The following RTKN2 variants were observed in gnomAD, a reference collection of about 807,000 sequenced individuals.
RTKN2 encodes rhotekin-2.
RTKN2 carries 69 observed loss-of-function variants against 71.5 expected under a neutral mutation model. The observed-to-expected ratio is 0.96, with a 90% CI of 0.79 to 1.18. The LOEUF (loss-of-function observed/expected upper bound fraction) is 1.18, where lower values mean the gene tolerates loss of function less well. Among genes scored for constraint, RTKN2 ranks in the 50% most tolerant of loss-of-function variants. The pLI is 0.00. For synonymous variants in RTKN2, 236 were observed against 236.5 expected (o/e 1.00, Z 0.02); for missense variants, 724 against 719.7 (o/e 1.01, Z -0.07).
At chr10:62,228,700 T>C (rs1842084230) in intron 6 of RTKN2, among the ~76,000 whole-genome samples, 1 of 152,120 alleles carries the variant, frequency 6.6e-6, no homozygotes, top group African/African-American at 2.4e-5. Context: ...GAGCCTACTG[T>C]GAGTAACTGA....
At chr10:62,206,228 T>C (rs1263987673) in intron 9 of RTKN2, among the ~76,000 whole-genome samples, 1 of 152,146 alleles carries the variant, frequency 6.6e-6, no homozygotes, top group Non-Finnish European at 1.5e-5. Flanking sequence ...AAGAGAATCA[T>C]GGTTAAGCCT....
chr10:62,188,308 G>A (rs186811771), downstream of RTKN2, among the ~76,000 whole-genome samples: 2 of 152,228 alleles, frequency 1.3e-5, no homozygotes, highest in East Asian at 1.9e-4. Context: ...GATCTCTCCC[G>A]GGACTGTCTG....
At chr10:62,250,991 G>C (rs1842570067) in intron 2 of RTKN2, among the ~76,000 whole-genome samples, 1 of 152,106 alleles carries the variant, frequency 6.6e-6, no homozygotes, top group African/African-American at 2.4e-5. Flanking sequence ...ACCTCACACT[G>C]CCCTGTGGGA....
At chr10:62,249,471 G>A (rs1044557774) in intron 2 of RTKN2, among the ~76,000 whole-genome samples, 1 of 151,252 alleles carries the variant, frequency 6.6e-6, no homozygotes, top group Non-Finnish European at 1.5e-5. Flanking sequence ...GCGTGGGGGT[G>A]GGGGTGGGGC....
At chr10:62,209,641 G>A (rs1313915915) in intron 9 of RTKN2, among the ~76,000 whole-genome samples, 1 of 152,106 alleles carries the variant, frequency 6.6e-6, no homozygotes. Flanking sequence ...ATAGGCCTCA[G>A]AGTGTGTTGT....
chr10:62,202,920 G>C (rs901973370), intron 10 of RTKN2, among the ~76,000 whole-genome samples: 3 of 152,252 alleles, frequency 2.0e-5, no homozygotes, highest in East Asian at 1.9e-4. Context: ...CAGCACTTTG[G>C]GGGGCTGAGG....
At chr10:62,232,656 G>A (rs1026708438) in intron 6 of RTKN2, among the ~76,000 whole-genome samples, 2 of 151,344 alleles carry the variant, frequency 1.3e-5, no homozygotes, top group South Asian at 2.1e-4. Context: ...TATAAATGTA[G>A]TTTAAATGAA....
chr10:62,231,066 A>G (rs1440028472), intron 6 of RTKN2, among the ~76,000 whole-genome samples: 3 of 152,202 alleles, frequency 2.0e-5, no homozygotes, highest in African/African-American at 7.2e-5. Context: ...AAACATAAAT[A>G]ATCCATGTAT....
intron 2 of RTKN2, among the ~76,000 whole-genome samples, chr10:62,261,051 C>A (rs1191225721): frequency 6.6e-6 from 1 of 152,146 alleles, no homozygotes; most frequent in Non-Finnish European, 1.5e-5. Flanking sequence ...AGAAGACATG[C>A]CATATTTATT....
chr10:62,198,507 T>C (rs1841378457), intron 11 of RTKN2, 64 bp from the exon 12 acceptor site: 1 of 1,209,306 alleles, frequency 8.3e-7, no homozygotes, highest in Non-Finnish European at 1.1e-6. Flanking sequence ...TTTATCTAAA[T>C]AAGTTCTTTT....
chr10:62,224,497 T>A (rs948453751), intron 6 of RTKN2, among the ~76,000 whole-genome samples: 3 of 152,076 alleles, frequency 2.0e-5, no homozygotes, highest in Non-Finnish European at 2.9e-5. Flanking sequence ...AAATATTTAC[T>A]GAACACTTAA....
At chr10:62,242,202 GAT>G (rs1842390401) in intron 3 of RTKN2, among the ~76,000 whole-genome samples, 1 of 151,918 alleles carries the variant, frequency 6.6e-6, no homozygotes, top group Non-Finnish European at 1.5e-5. Flanking sequence ...TAATTTGTTA[GAT>G]ATATTTCTTT....
intron 6 of RTKN2, among the ~76,000 whole-genome samples, chr10:62,231,717 T>TA (rs969935953): frequency 6.6e-6 from 1 of 152,170 alleles, no homozygotes; most frequent in Admixed American, 6.5e-5. Flanking sequence ...AATGGTAGTC[T>TA]AAAAAATGCA....
chr10:62,258,693 T>A (rs991194284), intron 2 of RTKN2, among the ~76,000 whole-genome samples: 1 of 152,110 alleles, frequency 6.6e-6, no homozygotes, highest in Non-Finnish European at 1.5e-5. Flanking sequence ...CAGAATTCAA[T>A]AATTAAGAGA....
At position 62,205,022 on chromosome 10, in the gene RTKN2, C is replaced by A. The variant is rs1327924305; in HGVS notation, c.1021G>T (p.Glu341Ter). ...TTATCCATTGCCCGGATTCTGGTTT[C>A]CTAAAAATTAAGAAAAAAATTGGGG... ...EPALVVPINK[E>*]TRIRAMDKDA... The change falls in exon 10 of 12, where the codon GAA (glutamate) becomes TAA (stop). Residue 341 changes from glutamate (E) to a stop codon, truncating the protein, a stop_gained and splice_region_variant. Transcript: ENST00000373789. LOFTEE classifies it high-confidence loss of function. The A allele has an allele frequency of 1.3e-6, 2 of 1,571,674 alleles. No individual in the cohort carries two copies. Among genetic ancestry groups the A allele is most frequent in the African/African-American group, 2.8e-5 (2 of 71,718 alleles).
At chr10:62,250,190 G>A (rs1454596212) in intron 2 of RTKN2, among the ~76,000 whole-genome samples, 1 of 152,210 alleles carries the variant, frequency 6.6e-6, no homozygotes, top group Non-Finnish European at 1.5e-5. Flanking sequence ...CCTAGAAGAA[G>A]TGTGAATGGG....
chr10:62,191,961 A>G (rs1267168676), downstream of RTKN2, among the ~76,000 whole-genome samples: 2 of 152,172 alleles, frequency 1.3e-5, no homozygotes, highest in Non-Finnish European at 2.9e-5. Context: ...GTCAACCTAT[A>G]GAAACAAGGC....
chr10:62,244,484 C>A (rs1230432289), intron 3 of RTKN2, among the ~76,000 whole-genome samples: 2 of 152,070 alleles, frequency 1.3e-5, no homozygotes, highest in Non-Finnish European at 2.9e-5. Flanking sequence ...AATCAATAAA[C>A]TGTTATGAAA....
In RTKN2 at chr10:62,194,198, T is replaced by C; in HGVS notation, c.*3710A>G. ...GTCAGAAAATCAACACACCCTAATA[T>C]ATTTTCAAATGATGACTTGTCTTTT... is the stretch of plus-strand genomic sequence containing the variant. On this transcript the variant is annotated 3_prime_UTR_variant, in exon 12 of 12. Coordinates refer to ENST00000373789, the MANE Select transcript of RTKN2 (RefSeq NM_145307.4). 1.0e-6 allele frequency: 1 copy of C among 984,080 alleles called. No homozygotes were observed. The highest frequency in any genetic ancestry group is 1.2e-6 in the Non-Finnish European group (1 of 828,716). The allele number at this position is 984,080 out of a possible 1,614,324, so 61.0% of individuals were successfully genotyped here.
Sources: allele counts gnomAD v4.1 joint callset (sites outside exome capture counted in the v4.1 genomes callset), GRCh38; gene constraint gnomAD v4.1.1; transcripts MANE v1.5; gene names NCBI Gene and HGNC (gene_info 2026-07-23, HGNC 2026-07-21).